The following NPR3 variants were observed in gnomAD, a reference collection of about 807,000 sequenced individuals.
The protein encoded by NPR3 is natriuretic peptide receptor 3.
NPR3 carries 34 observed loss-of-function variants against 54.5 expected under a neutral mutation model. The ratio of observed to expected loss-of-function variants is 0.62; its 90% confidence interval spans 0.47 to 0.83. The LOEUF (loss-of-function observed/expected upper bound fraction) is 0.83. Among genes scored for constraint, NPR3 ranks in the 40% least tolerant of loss-of-function variants. The probability of loss-of-function intolerance (pLI) is 0.00; values close to 1 mark genes in which losing one functional copy is unlikely to be tolerated. For missense variants in NPR3, 674 were observed against 720.8 expected (o/e 0.94, Z 0.74); for synonymous variants, 289 against 297.1 (o/e 0.97, Z 0.28).
chr5:32,788,192 AAGAATTAAGTGTGATC>A lies in NPR3; in HGVS notation c.*1849_*1864del, dbSNP rs1245764386. 2 of 152,276 alleles carry A rather than the reference AAGAATTAAGTGTGATC, an allele frequency of 1.3e-5. No homozygotes were observed. The highest frequency in any genetic ancestry group is 2.9e-5 in the Non-Finnish European group (2 of 68,062). 9.4% of individuals were successfully genotyped at this position (152,276 alleles called of 1,614,324 possible). ...GGAGGCAGCTGAGAGGGCGTGATAA[AAGAATTAAGTGTGATC>A]AACTGAAACAACTATGTTGTAGTTC... On this transcript the variant is annotated 3_prime_UTR_variant, in exon 8 of 8. Transcript: ENST00000265074.
chr5:32,755,685 AGAGTGGTTTG>A (rs1740798304), intron 3 of NPR3, among the ~76,000 whole-genome samples: 1 of 152,208 alleles, frequency 6.6e-6, no homozygotes. Context: ...ATTTCTTAGA[AGAGTGGTTTG>A]GAAAGATCTG....
chr5:32,776,565 C>T (rs1215498276), intron 4 of NPR3, among the ~76,000 whole-genome samples: 2 of 152,162 alleles, frequency 1.3e-5, no homozygotes, highest in Admixed American at 6.5e-5. Flanking sequence ...AGTTTCCTCT[C>T]ACCTCACCAA....
chr5:32,758,154 T>C (rs1401770199), intron 3 of NPR3, among the ~76,000 whole-genome samples: 2 of 152,174 alleles, frequency 1.3e-5, no homozygotes, highest in East Asian at 3.9e-4. Flanking sequence ...TTTCTATTGA[T>C]TGGAATAGTT....
intron 1 of NPR3, among the ~76,000 whole-genome samples, chr5:32,719,288 G>A (rs1738722818): frequency 6.6e-6 from 1 of 152,036 alleles, no homozygotes; most frequent in Admixed American, 6.6e-5. Flanking sequence ...ATCCCTGTGT[G>A]TTTCTCTTTT....
At chr5:32,708,267 C>T (rs944159571), upstream of NPR3, among the ~76,000 whole-genome samples, 1 of 151,948 alleles carries the variant, frequency 6.6e-6, no homozygotes, top group African/African-American at 2.4e-5. Context: ...ACTTATTTTT[C>T]CCCATTTCAG....
chr5:32,706,326 T>C (rs970075601), upstream of NPR3, among the ~76,000 whole-genome samples: 5 of 152,164 alleles, frequency 3.3e-5, no homozygotes, highest in African/African-American at 1.2e-4. Context: ...TTAACCAGTC[T>C]CAGTTATTTC....
intron 6 of NPR3, chr5:32,783,256 C>G (rs532857831): frequency 2.3e-6 from 1 of 429,460 alleles, no homozygotes; most frequent in East Asian, 3.8e-5. Flanking sequence ...ATTTTTACAT[C>G]TCTTACTATA....
chr5:32,782,971 C>A lies in NPR3; in HGVS notation c.1369C>A (p.Leu457Met), dbSNP rs1346101176. Residue 457 changes from leucine to methionine, a missense_variant, in exon 6 of 8, where the codon CTG becomes ATG. Physicochemically the swap from Leu to Met is conservative, Grantham distance 15. Coordinates refer to ENST00000265074, the MANE Select transcript of NPR3 (RefSeq NM_001204375.2). ...CAAATATCCTTGGGGCCCTTTAAAA[C>A]TGAGAATAGATGAAAACCGAATTGT... ...NVKYPWGPLK[L>M]RIDENRIVEH... 3.1e-6 allele frequency: 5 copies of A among 1,609,352 alleles called. No individual in the cohort carries two copies. The South Asian group carries it at 5.5e-5, about 18-fold the overall frequency.
chr5:32,735,051 C>CT (rs1739656402), intron 2 of NPR3, among the ~76,000 whole-genome samples: 1 of 152,164 alleles, frequency 6.6e-6, no homozygotes, highest in African/African-American at 2.4e-5. Flanking sequence ...TATTTCATGT[C>CT]TGGCGAGGCA....
chr5:32,719,281 C>G (rs1160837159), intron 1 of NPR3, among the ~76,000 whole-genome samples: 2 of 152,054 alleles, frequency 1.3e-5, no homozygotes, highest in Non-Finnish European at 2.9e-5. Context: ...GAGCTAGATC[C>G]CTGTGTGTTT....
chr5:32,694,977 C>T (rs1052784664), intron 1 of NPR3, among the ~76,000 whole-genome samples: 4 of 152,138 alleles, frequency 2.6e-5, no homozygotes, highest in African/African-American at 9.7e-5. Flanking sequence ...CCGTGCCTGG[C>T]TTAGTTCATT....
At chr5:32,781,800 G>A (rs1742351061) in intron 5 of NPR3, among the ~76,000 whole-genome samples, 1 of 152,198 alleles carries the variant, frequency 6.6e-6, no homozygotes, top group Non-Finnish European at 1.5e-5. Context: ...TGAGGTTGCA[G>A]GGGTGGAGGT....
intron 3 of NPR3, among the ~76,000 whole-genome samples, chr5:32,747,895 A>G (rs767258834): frequency 1.3e-5 from 2 of 151,878 alleles, no homozygotes; most frequent in Non-Finnish European, 1.5e-5. Flanking sequence ...AGCTAGGACT[A>G]TAGGCGTGCT....
At chr5:32,729,035 GTTTTTT>G (rs57033344) in intron 2 of NPR3, among the ~76,000 whole-genome samples, 8 of 79,608 alleles carry the variant, frequency 1.0e-4, no homozygotes, top group Admixed American at 3.1e-4. Flanking sequence ...TTTTTGTTTT[GTTTTTT>G]TTTTTTGAGA....
chr5:32,725,008 A>G lies in NPR3; in HGVS notation c.892+188A>G, dbSNP rs561092815. Among the ~76,000 whole-genome samples, 5 of 152,346 alleles carry G rather than the reference A, an allele frequency of 3.3e-5. No homozygotes were observed. The South Asian group carries it at 1.0e-3, about 32-fold the overall frequency. ...TGGAGCTGGAGGCCATGATCCAAAC[A>G]AATTAATGCAGGAACAGAAAATCAA... On this transcript the variant is annotated intron_variant, in intron 2 of 7. Coordinates refer to ENST00000265074, the MANE Select transcript of NPR3 (RefSeq NM_001204375.2).
At chr5:32,720,742 T>G (rs1312772611) in intron 1 of NPR3, among the ~76,000 whole-genome samples, 1 of 152,326 alleles carries the variant, frequency 6.6e-6, no homozygotes, top group Non-Finnish European at 1.5e-5. Context: ...CCTCCACTTA[T>G]GCAGGTCGCA....
chr5:32,738,372 G>A (rs1739862597), intron 2 of NPR3, among the ~76,000 whole-genome samples: 1 of 151,716 alleles, frequency 6.6e-6, no homozygotes, highest in Admixed American at 6.6e-5. Flanking sequence ...CCACTTATGA[G>A]TAACATCACT....
In NPR3 at chr5:32,788,556, C is replaced by A. The variant is rs1742750199; in HGVS notation, c.*2211C>A. ...ACATTTCAAGTCTATGTGCTTATTA[C>A]AGGGGAAAAATAATCTACCTGGTTG... On this transcript the variant is annotated 3_prime_UTR_variant, in exon 8 of 8. Coordinates refer to ENST00000265074, the MANE Select transcript of NPR3 (RefSeq NM_001204375.2). The A allele has an allele frequency of 1.3e-5, 2 of 152,140 alleles. No individual in the cohort carries two copies. Among genetic ancestry groups the A allele is most frequent in the Non-Finnish European group, 2.9e-5 (2 of 68,018 alleles). 9.4% of individuals were successfully genotyped at this position (152,140 alleles called of 1,614,324 possible).
At chr5:32,724,964 T>C (rs1438378331) in intron 2 of NPR3, 144 bp downstream of exon 2, 3 of 935,268 alleles carry the variant, frequency 3.2e-6, no homozygotes, top group Non-Finnish European at 4.7e-6. Flanking sequence ...TGGAATCATG[T>C]CTTTTGCAGC....
Sources: allele counts gnomAD v4.1 joint callset (sites outside exome capture counted in the v4.1 genomes callset), GRCh38; gene constraint gnomAD v4.1.1; transcripts MANE v1.5; gene names NCBI Gene and HGNC (gene_info 2026-07-23, HGNC 2026-07-21).